Variants in WARS2 observed in about 807,000 individuals in gnomAD.
WARS2 encodes tryptophan--tRNA ligase, mitochondrial.
In WARS2, 28 loss-of-function variants were observed where a neutral mutation model predicts 36.5. That is an observed-to-expected ratio of 0.77 (90% CI 0.57 to 1.05). WARS2 has a LOEUF of 1.05. Ranked by LOEUF, WARS2 falls within the 50% of genes least tolerant of loss-of-function variation. The pLI, the probability that WARS2 is intolerant of heterozygous loss-of-function variation, is 0.00. For synonymous variants in WARS2, 174 were observed against 178.4 expected (o/e 0.98, Z 0.20); for missense variants, 435 against 456.8 (o/e 0.95, Z 0.44).
At chr1:119,079,585 T>C (rs1652034477) in intron 1 of WARS2, among the ~76,000 whole-genome samples, 1 of 152,180 alleles carries the variant, frequency 6.6e-6, no homozygotes, top group African/African-American at 2.4e-5. Flanking sequence ...TTAAGTCTTT[T>C]TTATACCTAA....
chr1:119,066,221 T>C (rs746437969), intron 2 of WARS2, among the ~76,000 whole-genome samples: 11 of 152,084 alleles, frequency 7.2e-5, no homozygotes, highest in Non-Finnish European at 1.6e-4. Context: ...CTCACGCCTG[T>C]AATCCCAGCA....
Position 119,052,260 on chromosome 1 carries a change from T to G in WARS2, c.349-6598A>C, listed in dbSNP as rs552398054. On this transcript the variant is annotated intron_variant, in intron 2 of 5. Transcript: ENST00000235521. ...TCTCTGTGTCCCTTAAGATTTTATT[T>G]TTTCGCATGTAAATGTTATCTTCCT... Among the ~76,000 whole-genome samples, 5 of 152,330 alleles carry G rather than the reference T, an allele frequency of 3.3e-5. No individual in the cohort carries two copies. The South Asian group carries it at 1.0e-3, about 32-fold the overall frequency.
chr1:119,100,121 A>G lies in WARS2; in HGVS notation c.91-23514T>C, dbSNP rs974880218. ...CAGCAAAACAAACAAATGAAAAGCA[A>G]TCCCATTAAAAAGTAGGGAAAGGAA... is the stretch of plus-strand genomic sequence containing the variant. On this transcript the variant is annotated intron_variant, in intron 1 of 5. Transcript: ENST00000235521. 2.2e-5 allele frequency among the ~76,000 whole-genome samples: 3 copies of G among 135,828 alleles called. No homozygotes were observed. The East Asian group carries it at 5.8e-4, about 26-fold the overall frequency. The allele number at this position is 135,828 out of a possible 152,430, so 89.1% of individuals were successfully genotyped here.
rs183441722 is a variant in WARS2 at position 119,086,100 on chromosome 1, T to A, written c.91-9493A>T. 6 of 877,074 alleles carry A rather than the reference T, an allele frequency of 6.8e-6. No individual in the cohort carries two copies. In the East Asian group the frequency reaches 1.6e-4, roughly 23 times the overall value. 54.3% of individuals were successfully genotyped at this position (877,074 alleles called of 1,614,324 possible). The stretch of plus-strand genomic sequence containing the variant: ...GTCTCAAACTCCTAGCCTTAAGTGA[T>A]CCTCTTGCCTTGGCCTCCCAAAGTT... On this transcript the variant is annotated intron_variant, in intron 1 of 5. Transcript: ENST00000235521.
At chr1:119,046,774 C>CT (rs71743174) in intron 2 of WARS2, among the ~76,000 whole-genome samples, 15,874 of 141,168 alleles carry the variant, frequency 0.11, 952 homozygotes, top group Non-Finnish European at 0.14. Context: ...TCAACTGTGG[C>CT]TTTTTTTTTT....
At chr1:119,055,681 G>T (rs1396182234) in intron 2 of WARS2, among the ~76,000 whole-genome samples, 1 of 149,100 alleles carries the variant, frequency 6.7e-6, no homozygotes, top group Non-Finnish European at 1.5e-5. Flanking sequence ...GAGAAGAAAG[G>T]CAAGAAAGAA....
intron 1 of WARS2, among the ~76,000 whole-genome samples, chr1:119,130,987 A>T (rs587746531): frequency 1.3e-5 from 2 of 152,266 alleles, no homozygotes; most frequent in Admixed American, 6.5e-5. Flanking sequence ...CTGCTGAGGT[A>T]TTCACAAAAG....
At position 119,031,359 on chromosome 1, in the gene WARS2, TAA is replaced by T. The variant is rs1647413348; in HGVS notation, c.*1550_*1551del. 6.6e-6 allele frequency: 1 copy of T among 152,160 alleles called. No individual in the cohort carries two copies. The highest frequency in any genetic ancestry group is 2.1e-4 in the South Asian group (1 of 4,834). 9.4% of individuals were successfully genotyped at this position (152,160 alleles called of 1,614,324 possible). A position where few individuals can be genotyped will look rare whatever the true frequency, so the allele number is the denominator to read the frequency against. ...GACTTACAGACATCCCATTCCAGTA[TAA>T]GATACAAAAGGCAAAATGTTTCCTT... On this transcript the variant is annotated 3_prime_UTR_variant, in exon 6 of 6. Transcript: ENST00000235521.
chr1:119,132,753 A>G (rs1190215985), intron 1 of WARS2, among the ~76,000 whole-genome samples: 1 of 152,200 alleles, frequency 6.6e-6, no homozygotes, highest in Non-Finnish European at 1.5e-5. Flanking sequence ...GATGTATAAA[A>G]TGAATTCTGT....
chr1:119,128,858 G>A (rs1011262502), intron 1 of WARS2, among the ~76,000 whole-genome samples: 10 of 152,086 alleles, frequency 6.6e-5, no homozygotes, highest in South Asian at 2.1e-4. Flanking sequence ...CTGCTAGTTA[G>A]ATGGAAAAGA....
intron 4 of WARS2, among the ~76,000 whole-genome samples, chr1:119,039,669 C>G (rs1648183885): frequency 6.6e-6 from 1 of 152,076 alleles, no homozygotes; most frequent in African/African-American, 2.4e-5. Context: ...TCCAGGGTTC[C>G]TTACCAAGTT....
At position 119,127,255 on chromosome 1, in the gene WARS2, C is replaced by A. The variant is rs919846041; in HGVS notation, c.90+13300G>T. 32 of 764,160 alleles carry A rather than the reference C, an allele frequency of 4.2e-5. No individual in the cohort carries two copies. The African/African-American group carries it at 5.0e-4, about 12-fold the overall frequency. 47.3% of individuals were successfully genotyped at this position (764,160 alleles called of 1,614,324 possible). A position where few individuals can be genotyped will look rare whatever the true frequency, so the allele number is the denominator to read the frequency against. On this transcript the variant is annotated intron_variant, in intron 1 of 5. Coordinates refer to ENST00000235521, the MANE Select transcript of WARS2 (RefSeq NM_015836.4). ...ACTTTCTTCTTGGCTCCCTTTTTGC[C>A]GCCTTTCATAAGGCGCTTGTTCTTG...
chr1:119,082,880 A>G (rs1652309864), intron 1 of WARS2, among the ~76,000 whole-genome samples: 1 of 152,228 alleles, frequency 6.6e-6, no homozygotes, highest in South Asian at 2.1e-4. Context: ...AGGGCCTTTT[A>G]GAAAGTGATT....
intron 1 of WARS2, among the ~76,000 whole-genome samples, chr1:119,086,907 C>T (rs1437267332): frequency 6.6e-6 from 1 of 152,138 alleles, no homozygotes; most frequent in Non-Finnish European, 1.5e-5. Flanking sequence ...TGCATTCACA[C>T]TCTTCCACCA....
At chr1:119,034,056 AAT>A in intron 5 of WARS2, 37 bp downstream of exon 5, 6 of 1,564,004 alleles carry the variant, frequency 3.8e-6, no homozygotes, top group Non-Finnish European at 3.5e-6. Flanking sequence ...CTCTCTTTAG[AAT>A]ATACCCTGAT....
chr1:119,061,686 T>C (rs1650394054), intron 2 of WARS2, among the ~76,000 whole-genome samples: 1 of 151,984 alleles, frequency 6.6e-6, no homozygotes. Flanking sequence ...AGTACAGAAA[T>C]GGTAGTAGAG....
intron 2 of WARS2, among the ~76,000 whole-genome samples, chr1:119,071,437 C>A (rs544576456): frequency 6.6e-6 from 1 of 152,160 alleles, no homozygotes; most frequent in Non-Finnish European, 1.5e-5. Context: ...AATATGGAAT[C>A]AACCTAAGTG....
chr1:119,039,721 A>G (rs1648187997), intron 4 of WARS2, among the ~76,000 whole-genome samples: 1 of 152,120 alleles, frequency 6.6e-6, no homozygotes, highest in African/African-American at 2.4e-5. Context: ...ACTTATCTGA[A>G]AGGCTCCTCT....
At chr1:119,133,996 A>G (rs1055130248) in intron 1 of WARS2, among the ~76,000 whole-genome samples, 18 of 152,124 alleles carry the variant, frequency 1.2e-4, no homozygotes, top group Non-Finnish European at 2.4e-4. Flanking sequence ...GGATATTATT[A>G]AAGAGAATAG....
Sources: gnomAD v4.1 joint callset for allele counts (sites outside exome capture counted in the v4.1 genomes callset) on GRCh38, gnomAD v4.1.1 for gene constraint, MANE v1.5 for transcripts, NCBI Gene and HGNC (gene_info 2026-07-23, HGNC 2026-07-21) for gene names.